Variants in CNOT3 observed in about 807,000 individuals in gnomAD.
The protein encoded by CNOT3 is CCR4-associated factor 3.
In CNOT3, 2 loss-of-function variants were observed where a neutral mutation model predicts 89.4. The observed-to-expected ratio is 0.02, with a 90% CI of 0.01 to 0.07. CNOT3 has a LOEUF of 0.07. Among genes scored for constraint, CNOT3 ranks in the 10% least tolerant of loss-of-function variants. The pLI, the probability that CNOT3 is intolerant of heterozygous loss-of-function variation, is 1.00. For missense variants in CNOT3, 664 were observed against 1,010.2 expected, an observed-to-expected ratio of 0.66 and a Z score of 4.65; for synonymous variants, 486 against 402.0, an observed-to-expected ratio of 1.21 and a Z score of -2.50.
chr19:54,138,969 G>A (rs945711743), intron 1 of CNOT3, among the ~76,000 whole-genome samples: 5 of 152,218 alleles, frequency 3.3e-5, no homozygotes, highest in African/African-American at 1.2e-4. Context: ...CCTTCTGGGT[G>A]TGGGCGTCTC....
intron 13 of CNOT3, among the ~76,000 whole-genome samples, 175 bp from the exon 14 acceptor site, chr19:54,152,051 C>G (rs1351819438): frequency 6.6e-6 from 1 of 152,152 alleles, no homozygotes; most frequent in Non-Finnish European, 1.5e-5. Context: ...TCGTGGTCTC[C>G]GATTGTTTCC....
intron 16 of CNOT3, 168 bp downstream of exon 16, chr19:54,153,167 T>A (rs1408190821): frequency 6.5e-6 from 5 of 766,574 alleles, no homozygotes; most frequent in Non-Finnish European, 9.6e-6. Context: ...CCTGTCCCCG[T>A]CCCCGCCTTC....
Position 54,148,189 on chromosome 19 carries a change from G to T in CNOT3, c.936G>T (p.Gln312His). ...KNGSKPVHSN[Q>H]HPQSPAVPPT... Reference sequence around the variant, plus strand: ...GCTCCAAGCCTGTCCACAGCAACCAGCACCCTCAGTCCCCAGCTGTGCCGC... The same window carrying T: ...GCTCCAAGCCTGTCCACAGCAACCATCACCCTCAGTCCCCAGCTGTGCCGC... Residue 312 changes from glutamine to histidine, a missense_variant, in exon 11 of 18, where the codon CAG becomes CAT. Around this residue, in one of 8 missense-constraint regions of CNOT3, gnomAD observed 545 missense variants for 566.2 expected, o/e 0.96. Transcript: ENST00000221232. This position sits in a 1 kb window ranked among gnomAD's most constrained non-coding sequence, Gnocchi z 6.3. 1 of 1,568,532 alleles carries T rather than the reference G, an allele frequency of 6.4e-7. No individual in the cohort carries two copies. The highest frequency in any genetic ancestry group is 8.6e-7 in the Non-Finnish European group (1 of 1,158,934).
At chr19:54,146,452 C>T in intron 9 of CNOT3, 149 bp from the exon 10 acceptor site, 1 of 691,344 alleles carries the variant, frequency 1.4e-6, no homozygotes, top group Non-Finnish European at 2.7e-6. Context: ...GATGGTTTCT[C>T]CAGGCAGATT....
chr19:54,150,057 C>G (rs1215702076), intron 13 of CNOT3, among the ~76,000 whole-genome samples: 1 of 152,090 alleles, frequency 6.6e-6, no homozygotes, highest in East Asian at 1.9e-4. Flanking sequence ...ATCTTCATCC[C>G]CCCCGCAGGC....
At chr19:54,149,862 C>CTT (rs1611078) in intron 13 of CNOT3, 104 bp downstream of exon 13, 868,368 of 1,181,032 alleles carry the variant, frequency 0.74, 323,798 homozygotes, top group African/African-American at 0.89. Flanking sequence ...TTCTGGATCT[C>CTT]TCTCTGGCTT....
rs756621874 is a variant in CNOT3, at chr19:54,153,284, C to A, written c.2037+285C>A. ...CACTGGCTCACCCGCGGCCCCTCCC[C>A]AGCCCTGCTCCAGCAGCCCCAGTCT... On this transcript the variant is annotated intron_variant, in intron 16 of 17. Transcript: ENST00000221232. 1.2e-5 allele frequency: 9 copies of A among 762,204 alleles called. No individual in the cohort carries two copies. In the Admixed American group the frequency reaches 1.5e-4, roughly 13 times the overall value. The allele number at this position is 762,204 out of a possible 1,614,324, so 47.2% of individuals were successfully genotyped here. A position where few individuals can be genotyped will look rare whatever the true frequency, so the allele number is the denominator to read the frequency against.
Position 54,143,677 on chromosome 19 carries a change from C to A in CNOT3, c.186C>A (p.Ile62=), listed in dbSNP as rs771323475. 1 of 1,613,920 alleles carries A rather than the reference C, an allele frequency of 6.2e-7. No individual in the cohort carries two copies. Among genetic ancestry groups the A allele is most frequent in the South Asian group, 1.1e-5 (1 of 91,080 alleles). Residue 62 remains isoleucine, a synonymous_variant, in exon 5 of 18, where the codon ATC becomes ATA. Transcript: ENST00000221232. ...ATCTGCAGCGGCTGAGGGACCAAAT[C>A]AAGACATGGGTAGCGTCCAACGAGA... ...IKKLQRLRDQ[I]KTWVASNEIK... is the part of the protein sequence containing the mutation.
chr19:54,148,084 G>C lies in CNOT3; in HGVS notation c.895-64G>C, dbSNP rs2074782002. 1.6e-6 allele frequency: 2 copies of C among 1,253,708 alleles called. No individual in the cohort carries two copies. The highest frequency in any genetic ancestry group is 3.7e-5 in the South Asian group (2 of 53,676). 77.7% of individuals were successfully genotyped at this position (1,253,708 alleles called of 1,614,324 possible). On this transcript the variant is annotated intron_variant, in intron 10 of 17. Transcript: ENST00000221232. This position sits in a 1 kb window ranked among gnomAD's most constrained non-coding sequence, Gnocchi z 6.3. ...CTGGGACAAAGATGGAGCCTGAGGT[G>C]GGGGTGGTGAGGGAGACCAGCTGGC...
chr19:54,142,453 C>CACACACACACACACA (rs1440264680), intron 1 of CNOT3: 72 of 222,390 alleles, frequency 3.2e-4, no homozygotes, highest in East Asian at 7.4e-4. Context: ...CACACACACG[C>CACACACACACACACA]CCTTCTCTGT....
At chr19:54,152,172 G>C in intron 13 of CNOT3, 54 bp from the exon 14 acceptor site, 1 of 1,592,626 alleles carries the variant, frequency 6.3e-7, no homozygotes, top group East Asian at 2.2e-5. Context: ...GTGTCAGGCT[G>C]CACTTGCTCC....
At chr19:54,150,628 G>GCCCAGGCTGTCCAGGAGGCAGTGTGCGCA (rs1568670592) in intron 13 of CNOT3, among the ~76,000 whole-genome samples, 14 of 134,880 alleles carry the variant, frequency 1.0e-4, no homozygotes, top group African/African-American at 4.0e-4. Context: ...CAGTGTGCGC[G>GCCCAGGCTGTCCAGGAGGCAGTGTGCGCA]CCCAGGCTGT....
Position 54,148,300 on chromosome 19 carries a change from C to A in CNOT3, c.1047C>A (p.Pro349=), listed in dbSNP as rs771557222. 3 of 1,609,044 alleles carry A rather than the reference C, an allele frequency of 1.9e-6. No individual in the cohort carries two copies. In the South Asian group the frequency reaches 3.3e-5, roughly 18 times the overall value. ...GNNGVPAPAA[P]PSALGPKASP... is the part of the protein sequence containing the mutation. ...ATGGGGTCCCCGCCCCCGCAGCACC[C>A]CCAAGTGCCCTGGGCCCCAAGGCCA... is the stretch of plus-strand genomic sequence containing the variant. Residue 349 remains proline, a synonymous_variant, in exon 11 of 18, where the codon CCC becomes CCA. Coordinates refer to ENST00000221232, the MANE Select transcript of CNOT3 (RefSeq NM_014516.4). This position sits in a 1 kb window ranked among gnomAD's most constrained non-coding sequence, Gnocchi z 6.3.
In CNOT3 at chr19:54,148,295, G is replaced by T. The variant is rs2074799415; in HGVS notation, c.1042G>T (p.Ala348Ser). ...PGNNGVPAPA[A>S]PPSALGPKAS... ...CAACAATGGGGTCCCCGCCCCCGCA[G>T]CACCCCCAAGTGCCCTGGGCCCCAA... Residue 348 changes from alanine (A) to serine (S), a missense_variant, in exon 11 of 18, where the codon GCA (alanine) becomes TCA (serine). Around this residue, in one of 8 missense-constraint regions of CNOT3, gnomAD observed 545 missense variants for 566.2 expected, o/e 0.96. Transcript: ENST00000221232. This position sits in a 1 kb window ranked among gnomAD's most constrained non-coding sequence, Gnocchi z 6.3. 1.2e-6 allele frequency: 2 copies of T among 1,608,222 alleles called. No homozygotes were observed. The highest frequency in any genetic ancestry group is 1.7e-6 in the Non-Finnish European group (2 of 1,177,116).
rs187052621 is a variant in CNOT3, at chr19:54,143,534, C to G, written c.168+18C>G. On this transcript the variant is annotated intron_variant, in intron 4 of 17. Coordinates refer to ENST00000221232, the MANE Select transcript of CNOT3 (RefSeq NM_014516.4). Reference sequence around the variant, plus strand: ...AGCTACAAGTGAGGGGGCTGGGGGCCTGGACGCCTTTGTCCTGAGGGTAGA... The same window carrying G: ...AGCTACAAGTGAGGGGGCTGGGGGCGTGGACGCCTTTGTCCTGAGGGTAGA... 39 of 1,613,542 alleles carry G rather than the reference C, an allele frequency of 2.4e-5. No individual in the cohort carries two copies. The East Asian group carries it at 8.7e-4, about 36-fold the overall frequency.
In CNOT3 at chr19:54,151,683, C is replaced by T. The variant is rs1405058317; in HGVS notation, c.1606-543C>T. On this transcript the variant is annotated intron_variant, in intron 13 of 17. Transcript: ENST00000221232. ...GTAACCTTTGTAATAGGAAACGAGG[C>T]TGTGGCTGCGGGGCTGGAGACCCAA... 2.0e-5 allele frequency among the ~76,000 whole-genome samples: 3 copies of T among 152,182 alleles called. No homozygotes were observed. In the East Asian group the frequency reaches 5.8e-4, roughly 29 times the overall value.
chr19:54,140,407 C>G (rs1309337293), intron 1 of CNOT3, among the ~76,000 whole-genome samples: 1 of 151,998 alleles, frequency 6.6e-6, no homozygotes, highest in Non-Finnish European at 1.5e-5. Flanking sequence ...AGTGGACCTG[C>G]GATCACCACC....
chr19:54,154,621 A>T (rs1233066443), intron 17 of CNOT3: 6 of 156,086 alleles, frequency 3.8e-5, no homozygotes, highest in African/African-American at 1.2e-4. Context: ...CTTCATGGGG[A>T]TGAAGTAGTA....
At chr19:54,142,404 C>G (rs2074485647) in intron 1 of CNOT3, 2 of 102,866 alleles carry the variant, frequency 1.9e-5, no homozygotes, top group African/African-American at 3.7e-5. Context: ...TTTCCCCCAC[C>G]CCCAATCTTT....
Sources: allele counts gnomAD v4.1 joint callset (sites outside exome capture counted in the v4.1 genomes callset), GRCh38; gene constraint gnomAD v4.1.1; regional missense constraint gnomAD v4.1.1; non-coding constraint Gnocchi (gnomAD v3.1); transcripts MANE v1.5; gene names NCBI Gene and HGNC (gene_info 2026-07-23, HGNC 2026-07-21).